The following RABEP1 variants were observed in gnomAD, a reference collection of about 807,000 sequenced individuals.
RABEP1 encodes rabaptin, RAB GTPase binding effector protein 1, also known as rab GTPase-binding effector protein 1.
A neutral mutation model predicts 123.4 loss-of-function variants in RABEP1; 51 were observed. The observed-to-expected ratio is 0.41, with a 90% CI of 0.33 to 0.52. The LOEUF is 0.52. RABEP1 is among the 20% of genes least tolerant of loss of function. The probability of loss-of-function intolerance (pLI) is 0.16; values close to 1 mark genes in which losing one functional copy is unlikely to be tolerated. For missense variants in RABEP1, 888 were observed against 996.3 expected, an observed-to-expected ratio of 0.89 and a Z score of 1.46; for synonymous variants, 347 against 355.2, an observed-to-expected ratio of 0.98 and a Z score of 0.26.
At position 5,293,109 on chromosome 17, in the gene RABEP1, A is replaced by G. The variant is rs1289397983; in HGVS notation, c.34+10589A>G. Among the ~76,000 whole-genome samples the G allele has an allele frequency of 3.9e-5, 6 of 152,120 alleles. No individual in the cohort carries two copies. The East Asian group carries it at 9.6e-4, about 24-fold the overall frequency. On this transcript the variant is annotated intron_variant, in intron 1 of 17. Coordinates refer to ENST00000537505, the MANE Select transcript of RABEP1 (RefSeq NM_004703.6). ...GTTCGAGACCAGCCTGACTAACATG[A>G]AACCCCGTCTCTACTAAACATACAA...
Position 5,282,462 on chromosome 17 carries a change from G to C in RABEP1, c.-25G>C. The C allele has an allele frequency of 7.4e-7, 1 of 1,343,266 alleles. No homozygotes were observed. Among genetic ancestry groups the C allele is most frequent in the South Asian group, 1.8e-5 (1 of 55,296 alleles). 83.2% of individuals were successfully genotyped at this position (1,343,266 alleles called of 1,614,324 possible). A position where few individuals can be genotyped will look rare whatever the true frequency, so the allele number is the denominator to read the frequency against. On this transcript the variant is annotated 5_prime_UTR_variant, in exon 1 of 18. Transcript: ENST00000537505. Reference sequence around the variant, plus strand: ...GGACGCCGCTTCCCCGCCCATCCCCGCTCCCCGAGGCCGGCCGCCTGGTCA... The same window carrying C: ...GGACGCCGCTTCCCCGCCCATCCCCCCTCCCCGAGGCCGGCCGCCTGGTCA...
At chr17:5,298,706 A>G (rs2075105481) in intron 1 of RABEP1, among the ~76,000 whole-genome samples, 1 of 138,380 alleles carries the variant, frequency 7.2e-6, no homozygotes, top group South Asian at 2.3e-4. Context: ...CCCAGGCTGG[A>G]GTGCAGTAGC....
chr17:5,296,044 C>T (rs2075080567), intron 1 of RABEP1, among the ~76,000 whole-genome samples: 1 of 152,086 alleles, frequency 6.6e-6, no homozygotes, highest in South Asian at 2.1e-4. Flanking sequence ...CTGAGATTAT[C>T]TCAGGTCTTT....
At chr17:5,366,021 A>C (rs1001258283) in intron 11 of RABEP1, among the ~76,000 whole-genome samples, 4 of 152,222 alleles carry the variant, frequency 2.6e-5, no homozygotes, top group South Asian at 2.1e-4. Flanking sequence ...CAGGATATGT[A>C]ACTAGGGGTG....
intron 2 of RABEP1, among the ~76,000 whole-genome samples, chr17:5,321,033 G>C (rs1379333707): frequency 6.6e-6 from 1 of 152,208 alleles, no homozygotes; most frequent in Non-Finnish European, 1.5e-5. Flanking sequence ...ACTTTGGCTG[G>C]GTGCAGTGGC....
At chr17:5,381,156 T>G (rs1911416452) in intron 16 of RABEP1, among the ~76,000 whole-genome samples, 1 of 152,150 alleles carries the variant, frequency 6.6e-6, no homozygotes, top group Non-Finnish European at 1.5e-5. Context: ...AGGGCAGCAC[T>G]TTAATCCATT....
intron 1 of RABEP1, among the ~76,000 whole-genome samples, chr17:5,298,580 G>T (rs528929731): frequency 2.6e-5 from 4 of 151,816 alleles, no homozygotes; most frequent in African/African-American, 9.7e-5. Context: ...ATATTAGTAT[G>T]TAGAGTCACC....
intron 5 of RABEP1, among the ~76,000 whole-genome samples, chr17:5,341,795 T>G (rs1907637043): frequency 1.3e-5 from 2 of 152,212 alleles, no homozygotes. Flanking sequence ...ATCATTGCAG[T>G]GTACACGTGA....
intron 16 of RABEP1, 134 bp downstream of exon 16, chr17:5,380,596 G>GA (rs1377420630): frequency 1.9e-5 from 15 of 785,148 alleles, no homozygotes; most frequent in Non-Finnish European, 3.0e-5. Context: ...GACAGCTTGT[G>GA]AAAAGAAAAA....
chr17:5,357,168 G>A (rs1326201231), intron 8 of RABEP1, among the ~76,000 whole-genome samples: 1 of 151,716 alleles, frequency 6.6e-6, no homozygotes, highest in Non-Finnish European at 1.5e-5. Context: ...GAGCCACCAT[G>A]CCTGGCTCTA....
chr17:5,298,348 T>C (rs1416603699), intron 1 of RABEP1, among the ~76,000 whole-genome samples: 1 of 152,184 alleles, frequency 6.6e-6, no homozygotes, highest in Non-Finnish European at 1.5e-5. Context: ...TACGGTATAA[T>C]TAAATATGGT....
At chr17:5,369,638 C>T (rs940917752) in intron 12 of RABEP1, among the ~76,000 whole-genome samples, 1 of 151,994 alleles carries the variant, frequency 6.6e-6, no homozygotes, top group Non-Finnish European at 1.5e-5. Context: ...TAAATACTGA[C>T]AGTTTCATAG....
At chr17:5,338,691 G>A (rs1402217962) in intron 5 of RABEP1, among the ~76,000 whole-genome samples, 2 of 152,078 alleles carry the variant, frequency 1.3e-5, no homozygotes, top group African/African-American at 4.8e-5. Flanking sequence ...CAAAGTTAAT[G>A]TTCATTTTCT....
chr17:5,338,999 A>G (rs1907338732), intron 5 of RABEP1, among the ~76,000 whole-genome samples: 1 of 151,952 alleles, frequency 6.6e-6, no homozygotes, highest in Non-Finnish European at 1.5e-5. Context: ...CTCTACAAAA[A>G]TTTTTTAAAA....
chr17:5,302,461 G>A (rs1385336655), intron 1 of RABEP1, among the ~76,000 whole-genome samples: 2 of 151,056 alleles, frequency 1.3e-5, no homozygotes. Flanking sequence ...GGCTGGTCTC[G>A]AACTCCTGAC....
intron 1 of RABEP1, among the ~76,000 whole-genome samples, chr17:5,296,249 A>G (rs2075082500): frequency 6.6e-6 from 1 of 152,062 alleles, no homozygotes; most frequent in Non-Finnish European, 1.5e-5. Flanking sequence ...TTGGTACTGC[A>G]TTGGGTTTTG....
At chr17:5,336,264 C>T (rs1907072524) in intron 4 of RABEP1, among the ~76,000 whole-genome samples, 1 of 152,064 alleles carries the variant, frequency 6.6e-6, no homozygotes, top group Admixed American at 6.5e-5. Context: ...TTTCCACAGT[C>T]TTTCAATTTT....
intron 8 of RABEP1, 52 bp downstream of exon 8, chr17:5,354,542 AG>A (rs777187357): frequency 2.0e-6 from 3 of 1,528,176 alleles, no homozygotes; most frequent in Non-Finnish European, 2.7e-6. Flanking sequence ...CAACAATTTT[AG>A]CTTACTCATA....
intron 12 of RABEP1, among the ~76,000 whole-genome samples, chr17:5,369,507 C>T (rs1910356254): frequency 1.3e-5 from 2 of 152,128 alleles, no homozygotes; most frequent in Admixed American, 6.5e-5. Flanking sequence ...GGCCTATGAG[C>T]TGATCCCTAA....
Sources: allele counts gnomAD v4.1 joint callset (sites outside exome capture counted in the v4.1 genomes callset), GRCh38; gene constraint gnomAD v4.1.1; transcripts MANE v1.5; gene names NCBI Gene and HGNC (gene_info 2026-07-23, HGNC 2026-07-21).